The following TASOR variants were observed in gnomAD, a reference collection of about 807,000 sequenced individuals.
TASOR encodes transcription activation suppressor.
Under a neutral mutation model 178.6 loss-of-function variants are expected in TASOR, and 53 were observed. That is an observed-to-expected ratio of 0.30 (90% CI 0.24 to 0.37). The LOEUF (loss-of-function observed/expected upper bound fraction) is 0.37. TASOR is among the 10% of genes least tolerant of loss of function. The pLI, the probability that TASOR is intolerant of heterozygous loss-of-function variation, is 1.00. For missense variants in TASOR, 1,815 were observed against 1,971.4 expected (o/e 0.92, Z 1.50); for synonymous variants, 713 against 696.2 (o/e 1.02, Z -0.38).
intron 1 of TASOR, among the ~76,000 whole-genome samples, chr3:56,675,785 C>T (rs1054092): frequency 0.19 from 28,226 of 152,080 alleles, 3,449 homozygotes; most frequent in South Asian, 0.41. Context: ...TGTACATACT[C>T]CTAAAGGTAA....
intron 11 of TASOR, among the ~76,000 whole-genome samples, chr3:56,653,387 G>T (rs1199394036): frequency 7.4e-6 from 1 of 135,914 alleles, no homozygotes; most frequent in Non-Finnish European, 1.6e-5. Flanking sequence ...GAAAGGAAAA[G>T]ATATACCAAG....
intron 15 of TASOR, 58 bp downstream of exon 15, chr3:56,641,291 G>A: frequency 2.0e-6 from 3 of 1,469,598 alleles, no homozygotes; most frequent in Non-Finnish European, 2.7e-6. Flanking sequence ...CATACTCACA[G>A]CACCTCTTTC....
At chr3:56,648,693 C>A in intron 13 of TASOR, 129 bp downstream of exon 13, 4 of 440,418 alleles carry the variant, frequency 9.1e-6, no homozygotes, top group Non-Finnish European at 1.3e-5. Context: ...ATTGCTAATA[C>A]CTCTTAACCC....
chr3:56,660,519 T>C (rs968222738), intron 11 of TASOR, among the ~76,000 whole-genome samples: 3 of 146,822 alleles, frequency 2.0e-5, no homozygotes, highest in African/African-American at 7.5e-5. Flanking sequence ...AGATATTCCA[T>C]GGGAAAGACT....
intron 14 of TASOR, among the ~76,000 whole-genome samples, chr3:56,645,822 C>T (rs560416748): frequency 6.6e-6 from 1 of 152,288 alleles, no homozygotes; most frequent in African/African-American, 2.4e-5. Flanking sequence ...AAAGATACTA[C>T]TATTCTGATA....
At position 56,620,579 on chromosome 3, in the gene TASOR, T is replaced by C. The variant is rs541298632; in HGVS notation, c.*2458A>G. On this transcript the variant is annotated 3_prime_UTR_variant, in exon 24 of 24. Transcript: ENST00000683822. Reference sequence around the variant, plus strand: ...CCAATACCCTCTGCATTTCAAAATGTTGACTCAGATGTTTTTCCCTCTACA... The same window carrying C: ...CCAATACCCTCTGCATTTCAAAATGCTGACTCAGATGTTTTTCCCTCTACA... 1.3e-5 allele frequency: 2 copies of C among 152,352 alleles called. No homozygotes were observed. Among genetic ancestry groups the C allele is most frequent in the South Asian group, 2.1e-4 (1 of 4,832 alleles). The allele number at this position is 152,352 out of a possible 1,614,324, so 9.4% of individuals were successfully genotyped here. A position where few individuals can be genotyped will look rare whatever the true frequency, so the allele number is the denominator to read the frequency against.
chr3:56,642,913 T>C (rs9827937), intron 14 of TASOR, among the ~76,000 whole-genome samples: 2,027 of 151,922 alleles, frequency 0.013, 37 homozygotes, highest in African/African-American at 0.045. Context: ...GAGGCGGAGG[T>C]TGCGGTGAGC....
At position 56,660,905 on chromosome 3, in the gene TASOR, T is replaced by C; in HGVS notation, c.1264+9A>G. On this transcript the variant is annotated intron_variant, in intron 10 of 23. Coordinates refer to ENST00000683822, the MANE Select transcript of TASOR (RefSeq NM_001365635.2). ...TCTAATGCATTTCAATAAAATTAAA[T>C]TACCTTACCTTCATTTGGACCTAAG... 6.2e-7 allele frequency: 1 copy of C among 1,608,254 alleles called. No homozygotes were observed.
intron 14 of TASOR, among the ~76,000 whole-genome samples, chr3:56,643,215 A>T (rs2077164114): frequency 6.6e-6 from 1 of 151,798 alleles, no homozygotes; most frequent in African/African-American, 2.4e-5. Flanking sequence ...ATGAGCCGAG[A>T]TCGGGTCACT....
chr3:56,650,110 G>C (rs2077319365), intron 11 of TASOR, among the ~76,000 whole-genome samples: 1 of 152,200 alleles, frequency 6.6e-6, no homozygotes, highest in Admixed American at 6.5e-5. Context: ...AGGGGCTACT[G>C]CAATAGTTCA....
In TASOR at chr3:56,683,220, C is replaced by A. The variant is rs1053226640; in HGVS notation, c.-214G>T. 4 of 498,146 alleles carry A rather than the reference C, an allele frequency of 8.0e-6. No individual in the cohort carries two copies. The highest frequency in any genetic ancestry group is 7.4e-5 in the Admixed American group (2 of 27,096). The allele number at this position is 498,146 out of a possible 1,614,324, so 30.9% of individuals were successfully genotyped here. On this transcript the variant is annotated 5_prime_UTR_variant, in exon 1 of 24. Coordinates refer to ENST00000683822, the MANE Select transcript of TASOR (RefSeq NM_001365635.2). ...CTGCCCGGTCCTCGGAGCCGCTCCTCCCTCGGGCAGTTCTTCTGCCTTCCC... is the reference window on the plus strand; with the variant it reads ...CTGCCCGGTCCTCGGAGCCGCTCCTACCTCGGGCAGTTCTTCTGCCTTCCC...
Position 56,621,569 on chromosome 3 carries a change from T to TCGA in TASOR, c.*1467_*1468insTCG. ...AAGCAAAAGGAGTTGGAAAGTAGTCTCCTGCCTTTAGCTGAAAATCAAGAA... is the reference window on the plus strand; with the variant it reads ...AAGCAAAAGGAGTTGGAAAGTAGTCTCGACCTGCCTTTAGCTGAAAATCAAGAA... On this transcript the variant is annotated 3_prime_UTR_variant, in exon 24 of 24. Coordinates refer to ENST00000683822, the MANE Select transcript of TASOR (RefSeq NM_001365635.2). 1.2e-6 allele frequency: 2 copies of TCGA among 1,603,352 alleles called. No individual in the cohort carries two copies. Among genetic ancestry groups the TCGA allele is most frequent in the South Asian group, 1.1e-5 (1 of 88,816 alleles).
At chr3:56,623,691 G>C (rs966910617) in intron 23 of TASOR, 125 bp from the exon 24 acceptor site, 12 of 1,543,984 alleles carry the variant, frequency 7.8e-6, no homozygotes, top group Non-Finnish European at 8.7e-6. Flanking sequence ...CTTAAAGCTT[G>C]GTCTTCTGCC....
At chr3:56,656,311 G>A (rs2077465963) in intron 11 of TASOR, among the ~76,000 whole-genome samples, 1 of 152,216 alleles carries the variant, frequency 6.6e-6, no homozygotes, top group African/African-American at 2.4e-5. Context: ...TCACGGGCCA[G>A]GCATGGCGGT....
intron 21 of TASOR, among the ~76,000 whole-genome samples, chr3:56,625,434 G>T (rs890920222): frequency 6.6e-6 from 1 of 152,124 alleles, no homozygotes; most frequent in African/African-American, 2.4e-5. Context: ...GATCACCTGA[G>T]ATCAGGAGTT....
chr3:56,671,374 T>C, intron 3 of TASOR: 1 of 414,682 alleles, frequency 2.4e-6, no homozygotes, highest in South Asian at 5.1e-5. Context: ...AAAGTATTAT[T>C]ATCAAGCACA....
At chr3:56,651,534 C>CA (rs1386008122) in intron 11 of TASOR, among the ~76,000 whole-genome samples, 2 of 151,786 alleles carry the variant, frequency 1.3e-5, no homozygotes, top group African/African-American at 2.4e-5. Context: ...CCCAACTCTA[C>CA]AAAAAAAATT....
intron 17 of TASOR, among the ~76,000 whole-genome samples, chr3:56,638,349 G>C (rs1368531721): frequency 6.6e-6 from 1 of 152,142 alleles, no homozygotes; most frequent in African/African-American, 2.4e-5. Context: ...CTGGGTGACA[G>C]AGCAAGCTTC....
At position 56,667,702 on chromosome 3, in the gene TASOR, G is replaced by C. The variant is rs928059693; in HGVS notation, c.897+695C>G. Reference sequence around the variant, plus strand: ...ATTAAAAAACAAGAATAGGGAGGCCGAAGTGGGAAGATCACTTGAGCCCAG... The same window carrying C: ...ATTAAAAAACAAGAATAGGGAGGCCCAAGTGGGAAGATCACTTGAGCCCAG... On this transcript the variant is annotated intron_variant, in intron 6 of 23. Coordinates refer to ENST00000683822, the MANE Select transcript of TASOR (RefSeq NM_001365635.2). Among the ~76,000 whole-genome samples, 86 of 152,112 alleles carry C rather than the reference G, an allele frequency of 5.7e-4. 1 individual carries two copies. The highest frequency in any genetic ancestry group is 3.4e-3 in the Middle Eastern group (1 of 294).
Sources: gnomAD v4.1 joint callset for allele counts (sites outside exome capture counted in the v4.1 genomes callset) on GRCh38, gnomAD v4.1.1 for gene constraint, MANE v1.5 for transcripts, NCBI Gene and HGNC (gene_info 2026-07-23, HGNC 2026-07-21) for gene names.